Variants in CTIF observed in about 807,000 individuals in gnomAD.
CTIF encodes the protein CBP80/20-dependent translation initiation factor.
A neutral mutation model predicts 66.0 loss-of-function variants in CTIF; 21 were observed. That is an observed-to-expected ratio of 0.32 (90% confidence interval 0.23 to 0.46). CTIF has a LOEUF of 0.46. CTIF is among the 20% of genes least tolerant of loss of function. The probability of loss-of-function intolerance (pLI) is 1.00; values close to 1 mark genes in which losing one functional copy is unlikely to be tolerated. For missense variants in CTIF, 739 were observed against 812.7 expected (o/e 0.91, Z 1.10); for synonymous variants, 345 against 326.4 (o/e 1.06, Z -0.62).
In CTIF at chr18:48,669,790, CATTTATATATATATATATATATATATAT is replaced by C. The variant is rs1242794009; in HGVS notation, c.432-876_432-849del. 2.1e-3 allele frequency among the ~76,000 whole-genome samples: 75 copies of C among 35,970 alleles called. 6 individuals are homozygous for C. In the East Asian group the frequency reaches 0.034, roughly 16 times the overall value. 23.6% of individuals were successfully genotyped at this position (35,970 alleles called of 152,430 possible). On this transcript the variant is annotated intron_variant, in intron 5 of 11. Coordinates refer to ENST00000256413, the MANE Select transcript of CTIF (RefSeq NM_014772.3). ...CACATTTATAAACAAACAAGCTAAA[CATTTATATATATATATATATATATATAT>C]ATATATATATATATATATATATAAG...
At chr18:48,858,427 G>C (rs2069379021) in intron 11 of CTIF, among the ~76,000 whole-genome samples, 2 of 152,082 alleles carry the variant, frequency 1.3e-5, no homozygotes, top group Non-Finnish European at 2.9e-5. Context: ...AGAAAGCCTG[G>C]TCCTTGCCCT....
chr18:48,667,235 C>T (rs1266346236), intron 5 of CTIF, among the ~76,000 whole-genome samples: 1 of 151,956 alleles, frequency 6.6e-6, no homozygotes, highest in Non-Finnish European at 1.5e-5. Flanking sequence ...GCGGTGTAGA[C>T]ATACAGACTA....
At chr18:48,697,054 G>A (rs2092018853) in intron 6 of CTIF, among the ~76,000 whole-genome samples, 1 of 152,222 alleles carries the variant, frequency 6.6e-6, no homozygotes, top group African/African-American at 2.4e-5. Flanking sequence ...CTCTTGCAGA[G>A]CAAGAGATAT....
At chr18:48,722,092 C>T (rs1473207437) in intron 7 of CTIF, among the ~76,000 whole-genome samples, 4 of 152,108 alleles carry the variant, frequency 2.6e-5, no homozygotes, top group African/African-American at 9.7e-5. Context: ...CCCATGTGCC[C>T]TGTCCAGAAG....
At position 48,761,727 on chromosome 18, in the gene CTIF, G is replaced by T; in HGVS notation, c.1371+38G>T. The T allele has an allele frequency of 6.3e-7, 1 of 1,575,200 alleles. No homozygotes were observed. ...CGGCCACCACCGCCCCGCGCCCCCT[G>T]CCCCTCTGCGTTCGGTGAGTTATTC... On this transcript the variant is annotated intron_variant, in intron 9 of 11. Coordinates refer to ENST00000256413, the MANE Select transcript of CTIF (RefSeq NM_014772.3). This position sits in a 1 kb window ranked among gnomAD's most constrained non-coding sequence, Gnocchi z 4.2.
intron 7 of CTIF, among the ~76,000 whole-genome samples, chr18:48,738,741 C>G (rs968831934): frequency 1.3e-5 from 2 of 152,224 alleles, no homozygotes; most frequent in African/African-American, 4.8e-5. Flanking sequence ...TTCCCACGCT[C>G]TGGCATTCTC....
intron 1 of CTIF, among the ~76,000 whole-genome samples, chr18:48,573,761 T>C (rs2089471289): frequency 6.6e-6 from 1 of 152,180 alleles, no homozygotes; most frequent in Non-Finnish European, 1.5e-5. Context: ...ACAAGGGCCA[T>C]ATCCAGCCAC....
rs1356797682 is a variant in CTIF, at chr18:48,761,860, C to T, written c.1371+171C>T. Among the ~76,000 whole-genome samples the T allele has an allele frequency of 1.3e-5, 2 of 152,220 alleles. No individual in the cohort carries two copies. Among genetic ancestry groups the T allele is most frequent in the Admixed American group, 6.5e-5 (1 of 15,276 alleles). On this transcript the variant is annotated intron_variant, in intron 9 of 11. Transcript: ENST00000256413. The surrounding 1 kb of genome is among the most constrained non-coding windows in gnomAD (Gnocchi z 4.2). The stretch of plus-strand genomic sequence containing the variant: ...AGGCAGTTAAGGGGCCAGGAATGAG[C>T]GGCTGGATTTGTGTGTGTTTATGTG...
chr18:48,720,568 C>T (rs777824428), intron 7 of CTIF, among the ~76,000 whole-genome samples: 28 of 152,148 alleles, frequency 1.8e-4, no homozygotes, highest in Admixed American at 1.2e-3. Context: ...TGGCAGGCAG[C>T]CCTGTCAGAT....
At chr18:48,558,094 C>A (rs532086635) in intron 1 of CTIF, among the ~76,000 whole-genome samples, 3 of 152,156 alleles carry the variant, frequency 2.0e-5, no homozygotes, top group Admixed American at 6.6e-5. Context: ...GAGTTTCACT[C>A]TTGTTGCTCA....
At chr18:48,696,291 G>C (rs1259235385) in intron 6 of CTIF, among the ~76,000 whole-genome samples, 2 of 152,178 alleles carry the variant, frequency 1.3e-5, no homozygotes, top group African/African-American at 2.4e-5. Flanking sequence ...TCAGTAGACA[G>C]CACAAATCTA....
intron 7 of CTIF, among the ~76,000 whole-genome samples, chr18:48,734,332 G>A (rs905299575): frequency 7.9e-5 from 12 of 152,188 alleles, no homozygotes; most frequent in Non-Finnish European, 1.0e-4. Context: ...TTGGGATGCC[G>A]AGGCAGGTGG....
intron 6 of CTIF, among the ~76,000 whole-genome samples, chr18:48,709,365 C>T (rs1160710942): frequency 6.6e-6 from 1 of 152,260 alleles, no homozygotes; most frequent in Non-Finnish European, 1.5e-5. Context: ...CCCGGTATGC[C>T]CCATTGAGCC....
chr18:48,637,438 C>T (rs2090844747), intron 3 of CTIF, among the ~76,000 whole-genome samples: 2 of 152,212 alleles, frequency 1.3e-5, no homozygotes, highest in Admixed American at 6.5e-5. Context: ...ACATGTGTCC[C>T]CATCCCGAGT....
chr18:48,769,639 C>G (rs986542025), intron 9 of CTIF, among the ~76,000 whole-genome samples: 7 of 152,260 alleles, frequency 4.6e-5, no homozygotes. Flanking sequence ...CCTGGGCTCC[C>G]CCAACAGGAA....
At position 48,711,627 on chromosome 18, in the gene CTIF, C is replaced by A. The variant is rs1251559377; in HGVS notation, c.516C>A (p.His172Gln). 1 of 1,613,894 alleles carries A rather than the reference C, an allele frequency of 6.2e-7. No homozygotes were observed. Among genetic ancestry groups the A allele is most frequent in the Non-Finnish European group, 8.5e-7 (1 of 1,179,924 alleles). ...CTCCCCCCATGACACAGGGCTACCA[C>A]CCGATGCCCCATGAAGTGGAGATCG... ...EKVLPAWQGYHPMPHEVEIAH... is the reference protein window; with the variant it reads ...EKVLPAWQGYQPMPHEVEIAH... Residue 172 changes from histidine (H) to glutamine (Q), a missense_variant, in exon 7 of 12, where the codon CAC (histidine) becomes CAA (glutamine). This residue lies in a region of CTIF where 529 missense variants were observed against 520.3 expected (regional missense o/e 1.02). Transcript: ENST00000256413.
chr18:48,742,967 G>A (rs1472930656), intron 7 of CTIF, among the ~76,000 whole-genome samples: 1 of 152,200 alleles, frequency 6.6e-6, no homozygotes, highest in Non-Finnish European at 1.5e-5. Context: ...CACTCTGGTG[G>A]TTTTGCCCAT....
chr18:48,651,329 GGCAGGGGTT>G (rs2091152652), intron 3 of CTIF, among the ~76,000 whole-genome samples: 1 of 152,096 alleles, frequency 6.6e-6, no homozygotes, highest in South Asian at 2.1e-4. Context: ...AACAAAAAAA[GGCAGGGGTT>G]GCAATCCTAG....
At chr18:48,788,974 G>C (rs777722264) in intron 9 of CTIF, among the ~76,000 whole-genome samples, 5 of 152,124 alleles carry the variant, frequency 3.3e-5, no homozygotes, top group African/African-American at 4.8e-5. Flanking sequence ...CTTAGGCCTG[G>C]GAGACCCTGG....
Sources: gnomAD v4.1 joint callset for allele counts (sites outside exome capture counted in the v4.1 genomes callset) on GRCh38, gnomAD v4.1.1 for gene constraint, gnomAD v4.1.1 regional missense constraint, Gnocchi (gnomAD v3.1) non-coding constraint, MANE v1.5 for transcripts, NCBI Gene and HGNC (gene_info 2026-07-23, HGNC 2026-07-21) for gene names.